SPACA6: variants seen among roughly 807,000 people sequenced by gnomAD.
SPACA6 encodes sperm acrosome associated 6, also known as sperm acrosome membrane-associated protein 6.
For synonymous variants in SPACA6, 6 were observed against 1.5 expected, an observed-to-expected ratio of 4.05 and a Z score of -2.21; for missense variants, 8 against 2.8, an observed-to-expected ratio of 2.88 and a Z score of -1.34.
Position 51,694,002 on chromosome 19 carries a change from GA to G in SPACA6, c.214+263del, listed in dbSNP as rs1255379071. On this transcript the variant is annotated intron_variant, in intron 1 of 8. Transcript: ENST00000637797. ...GAGAGGGGGAGGATGGAGACTCAGAGAGAGAGGAAGATGGAGACTCGGAAAG... is the reference window on the plus strand; with the variant it reads ...GAGAGGGGGAGGATGGAGACTCAGAGGAGAGGAAGATGGAGACTCGGAAAG... 85 of 321,922 alleles carry G rather than the reference GA, an allele frequency of 2.6e-4. 1 individual carries two copies. The highest frequency in any genetic ancestry group is 1.6e-3 in the African/African-American group (72 of 44,870). The allele number at this position is 321,922 out of a possible 1,614,324, so 19.9% of individuals were successfully genotyped here.
chr19:51,687,842 T>C (rs999198564), upstream of SPACA6: 3 of 152,158 alleles, frequency 2.0e-5, no homozygotes, highest in East Asian at 1.9e-4. Context: ...ACTCAGGGAG[T>C]TGTAGTTTTC....
At chr19:51,712,015 T>C (rs1285088652) in intron 2 of SPACA6, 1 of 152,082 alleles carries the variant, frequency 6.6e-6, no homozygotes, top group East Asian at 1.9e-4. Context: ...CATTGACTTG[T>C]ACACTTCTTT....
At chr19:51,706,627 A>G (rs934824048), downstream of SPACA6, among the ~76,000 whole-genome samples, 25 of 151,324 alleles carry the variant, frequency 1.7e-4, no homozygotes, top group Admixed American at 6.6e-5. Flanking sequence ...ACATTGCCCA[A>G]TTTCACCTTG....
chr19:51,696,257 C>G (rs1474467487), intron 2 of SPACA6, among the ~76,000 whole-genome samples: 2 of 152,124 alleles, frequency 1.3e-5, no homozygotes, highest in African/African-American at 4.8e-5. Flanking sequence ...TTCAATTATA[C>G]TTACTGAATG....
At chr19:51,701,096 C>A (rs2083464955) in intron 2 of SPACA6, among the ~76,000 whole-genome samples, 1 of 152,148 alleles carries the variant, frequency 6.6e-6, no homozygotes, top group African/African-American at 2.4e-5. Flanking sequence ...GTGGTGCACA[C>A]CTGCAGTCCC....
chr19:51,697,032 T>G (rs1004652772), intron 2 of SPACA6, among the ~76,000 whole-genome samples: 1 of 152,146 alleles, frequency 6.6e-6, no homozygotes, highest in Non-Finnish European at 1.5e-5. Context: ...TTATTTAAAA[T>G]GCAGATTTCT....
chr19:51,704,739 C>T (rs867222640), intron 8 of SPACA6: 99 of 388,320 alleles, frequency 2.5e-4, no homozygotes, highest in African/African-American at 2.0e-3. Context: ...TCCGCAGCCC[C>T]TCCTCCCTCA....
intron 2 of SPACA6, among the ~76,000 whole-genome samples, chr19:51,695,614 G>C (rs375643410): frequency 6.6e-6 from 1 of 152,192 alleles, no homozygotes; most frequent in Admixed American, 6.5e-5. Context: ...GAGACCTGAG[G>C]CCCTAAACCT....
At chr19:51,686,558 A>G (rs375697104), upstream of SPACA6, 7 of 152,320 alleles carry the variant, frequency 4.6e-5, no homozygotes, top group East Asian at 1.2e-3. Flanking sequence ...CTTCTTAATC[A>G]TACATGAATT....
At chr19:51,712,078 C>G (rs2122239243) in exon 3 of SPACA6, 1 of 152,428 alleles carries the variant, frequency 6.6e-6, no homozygotes, top group African/African-American at 2.4e-5. Context: ...GTGGCACGAT[C>G]TCAGCTCACT....
In SPACA6 at chr19:51,701,059, TA is replaced by T. The variant is rs2083464637; in HGVS notation, c.293-594del. Among the ~76,000 whole-genome samples the T allele has an allele frequency of 2.0e-5, 3 of 151,962 alleles. No homozygotes were observed. In the South Asian group the frequency reaches 6.2e-4, roughly 32 times the overall value. On this transcript the variant is annotated intron_variant, in intron 2 of 8. Transcript: ENST00000637797. ...CAACATGGTGAAACCCCATCTCTACTAAAAACACAAAAATTAGCCAGGCGTG... is the reference window on the plus strand; with the variant it reads ...CAACATGGTGAAACCCCATCTCTACTAAAACACAAAAATTAGCCAGGCGTG...
upstream of SPACA6, chr19:51,685,504 T>TA (rs1293406290): frequency 6.6e-6 from 1 of 152,236 alleles, no homozygotes. Context: ...AGCCTGAAGA[T>TA]AATTTTATAC....
At chr19:51,686,818 C>G (rs939385955), upstream of SPACA6, 7 of 152,260 alleles carry the variant, frequency 4.6e-5, no homozygotes, top group Admixed American at 4.6e-4. Flanking sequence ...TAATGTATAA[C>G]AAATACTCAT....
intron 3 of SPACA6, 171 bp from the exon 4 acceptor site, chr19:51,702,458 C>G (rs935326649): frequency 2.5e-6 from 1 of 393,354 alleles, no homozygotes; most frequent in African/African-American, 2.1e-5. Flanking sequence ...CAGGCTTGGC[C>G]CCGGCCCCAG....
At chr19:51,707,596 C>A (rs530295109), downstream of SPACA6, among the ~76,000 whole-genome samples, 1 of 152,260 alleles carries the variant, frequency 6.6e-6, no homozygotes, top group South Asian at 2.1e-4. Context: ...CCATACCAAC[C>A]AGTTCTCCAA....
intron 2 of SPACA6, 32 bp downstream of exon 2, chr19:51,694,587 G>A (rs1051741260): frequency 2.5e-6 from 1 of 399,562 alleles, no homozygotes; most frequent in Non-Finnish European, 4.4e-6. Flanking sequence ...GATGGGAGAT[G>A]TGGACTTGGA....
rs113373586 is a variant in SPACA6 at position 51,710,651 on chromosome 19, A to C, written n.200-1382A>C. On this transcript the variant is annotated intron_variant and non_coding_transcript_variant, in intron 2 of 2. Coordinates refer to the SPACA6 transcript ENST00000573896. The stretch of plus-strand genomic sequence containing the variant: ...CTGTTTGGGAGTCCCGTCTCCATAC[A>C]TGGAGCATGAATGAAGTATTCAGAG... 5.3e-5 allele frequency among the ~76,000 whole-genome samples: 8 copies of C among 152,352 alleles called. 1 individual carries two copies. The highest frequency in any genetic ancestry group is 1.9e-4 in the African/African-American group (8 of 41,580).
At position 51,705,104 on chromosome 19, in the gene SPACA6, G is replaced by A. The variant is rs2083508418; in HGVS notation, c.956G>A (p.Trp319Ter). The A allele has an allele frequency of 2.5e-6, 1 of 401,140 alleles. No individual in the cohort carries two copies. Among genetic ancestry groups the A allele is most frequent in the Admixed American group, 4.4e-5 (1 of 22,718 alleles). 24.8% of individuals were successfully genotyped at this position (401,140 alleles called of 1,614,324 possible). A position where few individuals can be genotyped will look rare whatever the true frequency, so the allele number is the denominator to read the frequency against. The change falls in exon 9 of 9, where the codon TGG becomes TAG. Residue 319 changes from tryptophan (W) to a stop codon, truncating the protein, a stop_gained. Coordinates refer to ENST00000637797, the MANE Select transcript of SPACA6 (RefSeq NM_001316972.2). LOFTEE classifies it high-confidence loss of function. ...TGTTTCCCCAGGATGTTCTTTCGAT[G>A]GTACTGCAGTGGCAACTAACAAAGG... The part of the protein sequence containing the change: ...ATVLAWMFFR[W>*]YCSGN
upstream of SPACA6, among the ~76,000 whole-genome samples, chr19:51,691,153 C>T (rs904109011): frequency 4.0e-5 from 6 of 151,850 alleles, no homozygotes; most frequent in Admixed American, 3.9e-4. Flanking sequence ...CCACCCCCAG[C>T]TCCAGACCTG....
Sources: gnomAD v4.1 joint callset for allele counts (sites outside exome capture counted in the v4.1 genomes callset) on GRCh38, gnomAD v4.1.1 for gene constraint, MANE v1.5 for transcripts, NCBI Gene and HGNC (gene_info 2026-07-23, HGNC 2026-07-21) for gene names.